Variants in EVI5 observed in about 807,000 individuals in gnomAD.
The protein encoded by EVI5 is ecotropic viral integration site 5, also known as ecotropic viral integration site 5 protein homolog.
In EVI5, 73 loss-of-function variants were observed where a neutral mutation model predicts 112.0. The observed-to-expected ratio is 0.65, with a 90% CI of 0.54 to 0.79. EVI5 has a LOEUF of 0.79. EVI5 is among the 30% of genes least tolerant of loss of function. The probability of loss-of-function intolerance (pLI) is 0.00; values close to 1 mark genes in which losing one functional copy is unlikely to be tolerated. For synonymous variants in EVI5, 305 were observed against 319.9 expected, an observed-to-expected ratio of 0.95 and a Z score of 0.50; for missense variants, 900 against 968.8, an observed-to-expected ratio of 0.93 and a Z score of 0.94.
chr1:92,741,215 T>G (rs1464942591), intron 1 of EVI5, among the ~76,000 whole-genome samples: 1 of 152,196 alleles, frequency 6.6e-6, no homozygotes, highest in Non-Finnish European at 1.5e-5. Flanking sequence ...GTCACAAAGC[T>G]AATAAAAGTC....
intron 15 of EVI5, among the ~76,000 whole-genome samples, chr1:92,624,618 A>T (rs890407749): frequency 7.3e-6 from 1 of 137,480 alleles, no homozygotes; most frequent in Non-Finnish European, 1.5e-5. Flanking sequence ...CAAGGCGGGC[A>T]GATCACCTGA....
At chr1:92,573,072 T>C (rs563825866) in intron 18 of EVI5, among the ~76,000 whole-genome samples, 13 of 152,206 alleles carry the variant, frequency 8.5e-5, no homozygotes, top group African/African-American at 3.1e-4. Flanking sequence ...TACTACCTAA[T>C]AAATATTTTT....
At chr1:92,756,173 A>G in intron 1 of EVI5, 1 of 388,058 alleles carries the variant, frequency 2.6e-6, no homozygotes, top group Non-Finnish European at 5.3e-6. Context: ...GTATTAACAA[A>G]ACAAAATTTG....
intron 13 of EVI5, among the ~76,000 whole-genome samples, chr1:92,636,601 T>C (rs990360726): frequency 6.6e-6 from 1 of 152,226 alleles, no homozygotes; most frequent in Non-Finnish European, 1.5e-5. Flanking sequence ...TCATATAAGA[T>C]AAACATCTCC....
chr1:92,785,780 T>C (rs1685569078), upstream of EVI5, among the ~76,000 whole-genome samples: 1 of 152,108 alleles, frequency 6.6e-6, no homozygotes, highest in Admixed American at 6.6e-5. Context: ...TTACTTTCAT[T>C]ATATGTTTAG....
intron 9 of EVI5, among the ~76,000 whole-genome samples, chr1:92,689,791 G>A (rs1669180021): frequency 6.6e-6 from 1 of 152,160 alleles, no homozygotes; most frequent in Non-Finnish European, 1.5e-5. Flanking sequence ...GCTGTAATTC[G>A]TTAATAATGC....
intron 10 of EVI5, among the ~76,000 whole-genome samples, chr1:92,671,972 G>GA (rs145955280): frequency 0.019 from 2,874 of 148,168 alleles, 106 homozygotes; most frequent in African/African-American, 0.066. Flanking sequence ...CTGGCAATTT[G>GA]AAAAAAAAAA....
At chr1:92,607,828 AC>A in intron 16 of EVI5, 101 bp from the exon 17 acceptor site, 7 of 724,492 alleles carry the variant, frequency 9.7e-6, no homozygotes, top group Non-Finnish European at 1.5e-5. Context: ...TAAAAATGTT[AC>A]TAGTTATAGG....
chr1:92,620,250 A>C (rs927474381), intron 16 of EVI5, among the ~76,000 whole-genome samples: 4 of 151,604 alleles, frequency 2.6e-5, no homozygotes, highest in African/African-American at 9.7e-5. Flanking sequence ...AGGCTGAGGC[A>C]GGGGATCATG....
intron 5 of EVI5, among the ~76,000 whole-genome samples, chr1:92,699,409 T>C (rs1365609728): frequency 6.6e-6 from 1 of 152,160 alleles, no homozygotes; most frequent in African/African-American, 2.4e-5. Flanking sequence ...ATATCCTCAA[T>C]CTCTTTTCCA....
At chr1:92,674,493 C>T (rs1389456569) in intron 10 of EVI5, among the ~76,000 whole-genome samples, 1 of 151,972 alleles carries the variant, frequency 6.6e-6, no homozygotes, top group Non-Finnish European at 1.5e-5. Flanking sequence ...AATGAGAACA[C>T]ATGGACACAG....
intron 1 of EVI5, among the ~76,000 whole-genome samples, chr1:92,742,111 A>C (rs1678501027): frequency 6.6e-6 from 1 of 151,992 alleles, no homozygotes; most frequent in Non-Finnish European, 1.5e-5. Context: ...AATTAATAAC[A>C]CAAAAAAAAA....
intron 13 of EVI5, 117 bp from the exon 14 acceptor site, chr1:92,636,453 G>T: frequency 2.6e-6 from 2 of 778,542 alleles, no homozygotes; most frequent in South Asian, 2.3e-5. Context: ...AATAGGAGAA[G>T]TTCCATCTAC....
intron 1 of EVI5, among the ~76,000 whole-genome samples, chr1:92,772,804 G>T (rs895185873): frequency 1.3e-5 from 2 of 151,704 alleles, no homozygotes; most frequent in East Asian, 3.9e-4. Context: ...TACTCGGGAG[G>T]CTGAGGCAGG....
chr1:92,755,287 T>C (rs2298912), intron 1 of EVI5, among the ~76,000 whole-genome samples: 139,626 of 151,906 alleles, frequency 0.92, 64,250 homozygotes, highest in East Asian at 0.97. Flanking sequence ...GGCACACACC[T>C]GTAGTCCCAG....
chr1:92,626,598 C>A (rs1404294157), intron 14 of EVI5, among the ~76,000 whole-genome samples: 1 of 152,084 alleles, frequency 6.6e-6, no homozygotes, highest in Non-Finnish European at 1.5e-5. Flanking sequence ...TAAGAAACTG[C>A]CAAACTTTTC....
At chr1:92,614,898 C>CTA (rs1313973394) in intron 16 of EVI5, among the ~76,000 whole-genome samples, 6 of 134,724 alleles carry the variant, frequency 4.5e-5, no homozygotes, top group Non-Finnish European at 6.4e-5. Flanking sequence ...CCTATTATTC[C>CTA]TATATATATC....
intron 19 of EVI5, among the ~76,000 whole-genome samples, chr1:92,546,232 C>T (rs911083839): frequency 2.0e-5 from 3 of 152,124 alleles, no homozygotes; most frequent in Non-Finnish European, 4.4e-5. Context: ...AATGGATATA[C>T]GAAGTGAATT....
intron 1 of EVI5, among the ~76,000 whole-genome samples, chr1:92,738,241 T>C (rs1677770161): frequency 6.6e-6 from 1 of 152,194 alleles, no homozygotes; most frequent in East Asian, 1.9e-4. Flanking sequence ...TGTGATTTGT[T>C]ATCCTATCGA....
Sources: allele counts gnomAD v4.1 joint callset (sites outside exome capture counted in the v4.1 genomes callset), GRCh38; gene constraint gnomAD v4.1.1; transcripts MANE v1.5; gene names NCBI Gene and HGNC (gene_info 2026-07-23, HGNC 2026-07-21).